MADD: variants seen among roughly 807,000 people sequenced by gnomAD.
MADD encodes MAP kinase activating death domain.
A neutral mutation model predicts 176.7 loss-of-function variants in MADD; 109 were observed. That is an observed-to-expected ratio of 0.62 (90% CI 0.53 to 0.72). The LOEUF is 0.72. Ranked by LOEUF, MADD falls within the 30% of genes least tolerant of loss-of-function variation. The pLI is 0.00. For synonymous variants in MADD, 771 were observed against 771.3 expected (o/e 1.00, Z 0.01); for missense variants, 1,914 against 2,045.5 (o/e 0.94, Z 1.24).
exon 20 of MADD, chr11:47,293,905 C>A: frequency 1.2e-6 from 2 of 1,614,084 alleles, no homozygotes; most frequent in Non-Finnish European, 1.7e-6. Flanking sequence ...TCAAACCTGT[C>A]TTTGACCTTG....
chr11:47,294,669 C>CA (rs58253961), intron 20 of MADD, among the ~76,000 whole-genome samples: 20,993 of 54,164 alleles, frequency 0.39, 4,419 homozygotes, highest in East Asian at 0.66. Flanking sequence ...GACTCCGTCT[C>CA]AAAAAAAAAA....
chr11:47,282,971 T>G lies in MADD; in HGVS notation c.1862+2T>G. 4 of 1,612,976 alleles carry G rather than the reference T, an allele frequency of 2.5e-6. No homozygotes were observed. Among genetic ancestry groups the G allele is most frequent in the Non-Finnish European group, 3.4e-6 (4 of 1,179,558 alleles). Reference sequence around the variant, plus strand: ...TGACTCCGAACCTACTGATGATAGGTGAGCATCCTTAGGGCAGCAAAAAGG... The same window carrying G: ...TGACTCCGAACCTACTGATGATAGGGGAGCATCCTTAGGGCAGCAAAAAGG... On this transcript the variant is annotated splice_donor_variant, in intron 10 of 32. Coordinates refer to ENST00000402192, the Ensembl canonical transcript of MADD. LOFTEE classifies it high-confidence loss of function.
At position 47,316,038 on chromosome 11, in the gene MADD, G is replaced by A. The variant is rs908026768; in HGVS notation, c.4197+711G>A. ...GTAGAGGTGGGGTTTCACCATGTTC[G>A]TTGGCCAGGCTGGTCTTGAACTCCT... On this transcript the variant is annotated intron_variant, in intron 27 of 32. Coordinates refer to ENST00000402192, the Ensembl canonical transcript of MADD. Among the ~76,000 whole-genome samples the A allele has an allele frequency of 4.6e-5, 7 of 151,828 alleles. No individual in the cohort carries two copies. In the East Asian group the frequency reaches 5.8e-4, roughly 13 times the overall value.
chr11:47,274,526 C>G, intron 2 of MADD, 37 bp from the exon 3 acceptor site: 1 of 1,510,132 alleles, frequency 6.6e-7, no homozygotes, highest in Non-Finnish European at 9.1e-7. Context: ...CCCATTCCAT[C>G]CCTTCAGGCT....
chr11:47,272,980 T>A (rs2046155827), intron 1 of MADD, among the ~76,000 whole-genome samples: 1 of 152,218 alleles, frequency 6.6e-6, no homozygotes, highest in Admixed American at 6.5e-5. Context: ...ATTAGGCAAT[T>A]GGGGCATGGA....
intron 26 of MADD, among the ~76,000 whole-genome samples, chr11:47,314,190 C>T (rs1196570986): frequency 3.3e-5 from 5 of 151,554 alleles, no homozygotes; most frequent in Admixed American, 6.6e-5. Context: ...GCCGTGAGCA[C>T]CACTGCACTC....
At chr11:47,315,978 T>A (rs953206085) in intron 27 of MADD, among the ~76,000 whole-genome samples, 1 of 151,396 alleles carries the variant, frequency 6.6e-6, no homozygotes, top group African/African-American at 2.4e-5. Context: ...ATTACAGGCA[T>A]GCGCCACCAT....
At chr11:47,275,287 TTTAGAG>T in intron 3 of MADD, 128 bp downstream of exon 3, 3 of 832,094 alleles carry the variant, frequency 3.6e-6, no homozygotes, top group South Asian at 1.7e-5. Flanking sequence ...ATTTAGAGTA[TTTAGAG>T]TTAATCTTTT....
chr11:47,303,831 C>T (rs1168461754), intron 22 of MADD, among the ~76,000 whole-genome samples: 5 of 150,868 alleles, frequency 3.3e-5, no homozygotes, highest in Admixed American at 2.6e-4. Flanking sequence ...TGGTCTCGAA[C>T]TCCTGACTTC....
At chr11:47,290,682 G>A (rs1241997193) in exon 19 of MADD, 1 of 1,614,138 alleles carries the variant, frequency 6.2e-7, no homozygotes, top group South Asian at 1.1e-5. Context: ...GGCCTAGCTG[G>A]GCGGGGGGAC....
chr11:47,284,128 C>A, intron 10 of MADD, 50 bp from the exon 11 acceptor site: 2 of 1,247,420 alleles, frequency 1.6e-6, no homozygotes, highest in African/African-American at 1.5e-5. Flanking sequence ...TGTAGGTGTT[C>A]TCCCTGCCCC....
At chr11:47,271,426 T>C (rs1414572438) in intron 1 of MADD, among the ~76,000 whole-genome samples, 1 of 152,218 alleles carries the variant, frequency 6.6e-6, no homozygotes, top group African/African-American at 2.4e-5. Context: ...CTACCACCCG[T>C]AGCTAGAATA....
intron 30 of MADD, among the ~76,000 whole-genome samples, chr11:47,326,041 C>T (rs946507250): frequency 6.6e-6 from 1 of 152,232 alleles, no homozygotes; most frequent in South Asian, 2.1e-4. Context: ...GGGAAAAGCA[C>T]AGGCTTCGGT....
At chr11:47,283,344 C>T (rs1322515745) in intron 10 of MADD, among the ~76,000 whole-genome samples, 1 of 152,128 alleles carries the variant, frequency 6.6e-6, no homozygotes, top group Admixed American at 6.5e-5. Flanking sequence ...CTGCCCGCCT[C>T]GGCCTCCCAA....
chr11:47,283,732 C>T (rs1400577286), intron 10 of MADD, among the ~76,000 whole-genome samples: 2 of 152,224 alleles, frequency 1.3e-5, no homozygotes, highest in African/African-American at 2.4e-5. Context: ...CCATCACGCC[C>T]AGCTAATTTT....
intron 31 of MADD, 21 bp downstream of exon 35, chr11:47,326,828 T>G (rs2095499959): frequency 1.2e-6 from 2 of 1,613,938 alleles, no homozygotes; most frequent in Non-Finnish European, 1.7e-6. Context: ...TATTTTGCTC[T>G]TAGGTCTGGA....
chr11:47,324,622 A>AC, intron 30 of MADD, 45 bp downstream of exon 33: 4 of 1,322,130 alleles, frequency 3.0e-6, no homozygotes, highest in Non-Finnish European at 4.3e-6. Flanking sequence ...TTCCATCTGT[A>AC]AGAAGGACCA....
chr11:47,289,890 A>G, exon 17 of MADD: 1 of 1,613,864 alleles, frequency 6.2e-7, no homozygotes, highest in South Asian at 1.1e-5. Flanking sequence ...TTCCTGAAGG[A>G]GGTGGTGCAC....
At position 47,284,809 on chromosome 11, in the gene MADD, C is replaced by T. The variant is rs1410401721; in HGVS notation, c.2158-132C>T. The stretch of plus-strand genomic sequence containing the variant: ...AGTTTGTGGGGACAGAGAACGGGTG[C>T]TACAGAGATCATTTCCCACACATTC... On this transcript the variant is annotated intron_variant, in intron 12 of 32. Coordinates refer to ENST00000402192, the Ensembl canonical transcript of MADD. The T allele has an allele frequency of 2.2e-6, 3 of 1,349,644 alleles. No individual in the cohort carries two copies. The East Asian group carries it at 6.9e-5, about 31-fold the overall frequency. The allele number at this position is 1,349,644 out of a possible 1,614,324, so 83.6% of individuals were successfully genotyped here.
Sources: gnomAD v4.1 joint callset for allele counts (sites outside exome capture counted in the v4.1 genomes callset) on GRCh38, gnomAD v4.1.1 for gene constraint, MANE v1.5 for transcripts, NCBI Gene and HGNC (gene_info 2026-07-23, HGNC 2026-07-21) for gene names.